The following HERC2 variants were observed in gnomAD, a reference collection of about 807,000 sequenced individuals.
HERC2 encodes E3 ubiquitin-protein ligase HERC2.
Under a neutral mutation model 537.7 loss-of-function variants are expected in HERC2, and 102 were observed. That is an observed-to-expected ratio of 0.19 (90% CI 0.16 to 0.22). The LOEUF is 0.22. Ranked by LOEUF, HERC2 falls within the 10% of genes least tolerant of loss-of-function variation. The pLI, the probability that HERC2 is intolerant of heterozygous loss-of-function variation, is 1.00. For missense variants in HERC2, 4,236 were observed against 6,198.2 expected (o/e 0.68, Z 10.63); for synonymous variants, 2,224 against 2,466.2 (o/e 0.90, Z 2.91).
Position 28,268,225 on chromosome 15 carries a change from C to T in HERC2, c.1598+240G>A, listed in dbSNP as rs2075622426. Among the ~76,000 whole-genome samples, 1 of 152,174 alleles carries T rather than the reference C, an allele frequency of 6.6e-6. No individual in the cohort carries two copies. The highest frequency in any genetic ancestry group is 2.4e-5 in the African/African-American group (1 of 41,444). ...GGATGCAGTTTGAGTAGATAGAAGGCTGGCCAAGGCTGCACGGGGTCAAGA... is the reference window on the plus strand; with the variant it reads ...GGATGCAGTTTGAGTAGATAGAAGGTTGGCCAAGGCTGCACGGGGTCAAGA... On this transcript the variant is annotated intron_variant, in intron 12 of 92. Transcript: ENST00000261609. The surrounding 1 kb of genome is among the most constrained non-coding windows in gnomAD (Gnocchi z 4.7).
chr15:28,147,030 G>T (rs867615272), intron 70 of HERC2, among the ~76,000 whole-genome samples: 1 of 139,564 alleles, frequency 7.2e-6, no homozygotes, highest in Non-Finnish European at 1.5e-5. Flanking sequence ...ATTCTGGGGG[G>T]GCCGCAGGAG....
chr15:28,282,810 T>C (rs1315332148), intron 4 of HERC2, among the ~76,000 whole-genome samples: 2 of 151,910 alleles, frequency 1.3e-5, no homozygotes, highest in Non-Finnish European at 2.9e-5. Context: ...CGGGCACCTA[T>C]AATCCCAGCT....
chr15:28,279,615 CCACACACACACACACACACACA>C (rs58447102), intron 5 of HERC2, among the ~76,000 whole-genome samples: 1 of 141,584 alleles, frequency 7.1e-6, no homozygotes, highest in Non-Finnish European at 1.5e-5. Flanking sequence ...GACCCCATCT[CCACACACACACACACACACACA>C]CACACACACA....
Position 28,177,113 on chromosome 15 carries a change from G to T in HERC2, c.9269C>A (p.Pro3090Gln). 6.2e-7 allele frequency: 1 copy of T among 1,611,968 alleles called. No homozygotes were observed. Among genetic ancestry groups the T allele is most frequent in the Non-Finnish European group, 8.5e-7 (1 of 1,178,628 alleles). ...GHFSRMNCDK[P>Q]RLIEALKTKR... ...GGTTTTCAGGGCCTCGATCAGCCTTGGTTTGTCACAGTTCCTACAACAAGA... is the reference window on the plus strand; with the variant it reads ...GGTTTTCAGGGCCTCGATCAGCCTTTGTTTGTCACAGTTCCTACAACAAGA... Residue 3090 changes from proline to glutamine, a missense_variant, in exon 61 of 93, where the codon CCA (proline) becomes CAA (glutamine). Pro to Gln is a moderately conservative substitution (Grantham distance 76). Coordinates refer to ENST00000261609, the MANE Select transcript of HERC2 (RefSeq NM_004667.6). This position sits in a 1 kb window ranked among gnomAD's most constrained non-coding sequence, Gnocchi z 5.0.
intron 74 of HERC2, among the ~76,000 whole-genome samples, chr15:28,143,342 A>G (rs1459372800): frequency 6.6e-6 from 1 of 152,244 alleles, no homozygotes; most frequent in African/African-American, 2.4e-5. Flanking sequence ...TCCTATGTTC[A>G]CAGCTGTCGA....
At chr15:28,114,868 C>T (rs1368471856) in intron 89 of HERC2, 66 bp from the exon 90 acceptor site, 4 of 1,338,902 alleles carry the variant, frequency 3.0e-6, no homozygotes, top group Non-Finnish European at 4.2e-6. Context: ...GACTCCAGTC[C>T]ACCCAGCACA....
intron 75 of HERC2, 139 bp downstream of exon 75, chr15:28,142,688 G>C (rs773739396): frequency 1.2e-6 from 1 of 814,052 alleles, no homozygotes; most frequent in Non-Finnish European, 1.9e-6. Context: ...CATTTCTTGA[G>C]ATTTTTTCAT....
At chr15:28,226,083 A>G (rs1901126399) in intron 35 of HERC2, among the ~76,000 whole-genome samples, 2 of 152,244 alleles carry the variant, frequency 1.3e-5, no homozygotes, top group African/African-American at 4.8e-5. Flanking sequence ...CTATGAGGCC[A>G]TTATTACCCT....
rs751667906 is a variant in HERC2 at position 28,292,991 on chromosome 15, T to A, written c.219A>T (p.Lys73Asn). 4 of 1,611,320 alleles carry A rather than the reference T, an allele frequency of 2.5e-6. No homozygotes were observed. Among genetic ancestry groups the A allele is most frequent in the Non-Finnish European group, 3.4e-6 (4 of 1,179,674 alleles). Residue 73 changes from lysine to asparagine, a missense_variant, in exon 4 of 93, where the codon AAA (lysine) becomes AAT (asparagine). Transcript: ENST00000261609. Reference sequence around the variant, plus strand: ...TTTTCTCTTTGTCATTCAGATCTTCTTTCTTTGTTCCACTTGGTTCGACAC... The same window carrying A: ...TTTTCTCTTTGTCATTCAGATCTTCATTCTTTGTTCCACTTGGTTCGACAC... ...DDSVEPSGTKKEDLNDKEKKD... is the reference protein window; with the variant it reads ...DDSVEPSGTKNEDLNDKEKKD...
intron 65 of HERC2, 35 bp downstream of exon 65, chr15:28,174,360 A>C (rs572066378): frequency 6.7e-7 from 1 of 1,500,798 alleles, no homozygotes; most frequent in Non-Finnish European, 9.1e-7. Flanking sequence ...GTAAACCTAC[A>C]GAAAAATCTC....
chr15:28,263,108 G>A lies in HERC2; in HGVS notation c.1932C>T (p.Gly644=). Residue 644 remains glycine (G), a synonymous_variant, in exon 15 of 93, where the codon GGC becomes GGT. Coordinates refer to ENST00000261609, the MANE Select transcript of HERC2 (RefSeq NM_004667.6). ...TTTCAATCAGCTTTGGGGTTTTGCA[G>A]CCATCACTACCACCTCTGCCCAATT... ...YGKLGRGGSD[G]CKTPKLIEKL... 1 of 1,614,138 alleles carries A rather than the reference G, an allele frequency of 6.2e-7. No individual in the cohort carries two copies. The highest frequency in any genetic ancestry group is 1.1e-5 in the South Asian group (1 of 91,086).
In HERC2 at chr15:28,132,151, G is replaced by A. The variant is rs761274629; in HGVS notation, c.12519C>T (p.Asp4173=). The A allele has an allele frequency of 6.2e-7, 1 of 1,613,460 alleles. No individual in the cohort carries two copies. The highest frequency in any genetic ancestry group is 8.5e-7 in the Non-Finnish European group (1 of 1,179,576). Residue 4173 remains aspartate, a synonymous_variant, in exon 81 of 93, where the codon GAC becomes GAT. Coordinates refer to ENST00000261609, the MANE Select transcript of HERC2 (RefSeq NM_004667.6). ...DDTVWSWGDG[D]YGKLGRGGSD... is the part of the protein sequence containing the mutation. ...TGCCTCCCCGGCCGAGCTTGCCGTAGTCCCCGTCCCCCCAGGACCAGACAG... is the reference window on the plus strand; with the variant it reads ...TGCCTCCCCGGCCGAGCTTGCCGTAATCCCCGTCCCCCCAGGACCAGACAG...
chr15:28,167,640 T>C, intron 68 of HERC2, 47 bp downstream of exon 68: 1 of 1,605,688 alleles, frequency 6.2e-7, no homozygotes, highest in African/African-American at 1.3e-5. Flanking sequence ...TCTGTGTACA[T>C]TTAAGATTAT....
intron 86 of HERC2, chr15:28,117,484 C>G (rs1238780858): frequency 2.3e-5 from 14 of 619,752 alleles, no homozygotes; most frequent in South Asian, 2.1e-4. Flanking sequence ...ACCACCCTGG[C>G]ACGGACCATC....
Position 28,192,001 on chromosome 15 carries a change from C to A in HERC2, c.8411G>T (p.Gly2804Val). ...SVNQASRLID[G>V]SEPCWQSSGS... Reference sequence around the variant, plus strand: ...CGATGACTGCCAGCAGGGCTCGCTGCCGTCAATGAGACGGGATGCCTGGTT... The same window carrying A: ...CGATGACTGCCAGCAGGGCTCGCTGACGTCAATGAGACGGGATGCCTGGTT... The change falls in exon 53 of 93, where the codon GGC (glycine) becomes GTC (valine). Residue 2804 changes from glycine to valine, a missense_variant. Coordinates refer to ENST00000261609, the MANE Select transcript of HERC2 (RefSeq NM_004667.6). 3 of 1,613,830 alleles carry A rather than the reference C, an allele frequency of 1.9e-6. No homozygotes were observed. The highest frequency in any genetic ancestry group is 8.5e-7 in the Non-Finnish European group (1 of 1,180,004).
At chr15:28,184,238 T>C (rs1896090494) in intron 56 of HERC2, among the ~76,000 whole-genome samples, 1 of 152,060 alleles carries the variant, frequency 6.6e-6, no homozygotes, top group South Asian at 2.1e-4. Flanking sequence ...CACACATATA[T>C]GTATGCATGT....
intron 20 of HERC2, among the ~76,000 whole-genome samples, chr15:28,254,043 G>A (rs1434286088): frequency 7.2e-6 from 1 of 139,384 alleles, no homozygotes; most frequent in African/African-American, 2.7e-5. Flanking sequence ...CAACACTTTG[G>A]GAGGCCAAGG....
At position 28,292,870 on chromosome 15, in the gene HERC2, C is replaced by T. The variant is rs2141143675; in HGVS notation, c.322+18G>A. On this transcript the variant is annotated intron_variant, in intron 4 of 92. Transcript: ENST00000261609. Reference sequence around the variant, plus strand: ...CGTCAGATCAACCTTTCCAAAGTGCCAAAATTCACAAGATTACCTGGTTGC... The same window carrying T: ...CGTCAGATCAACCTTTCCAAAGTGCTAAAATTCACAAGATTACCTGGTTGC... 6.2e-7 allele frequency: 1 copy of T among 1,606,730 alleles called. No homozygotes were observed. The highest frequency in any genetic ancestry group is 8.5e-7 in the Non-Finnish European group (1 of 1,178,872).
chr15:28,207,476 CCT>C (rs1210291083), intron 44 of HERC2, among the ~76,000 whole-genome samples: 5 of 152,168 alleles, frequency 3.3e-5, no homozygotes, highest in Admixed American at 6.5e-5. Context: ...TTCAGTAACC[CCT>C]GACACAGACA....
Sources: gnomAD v4.1 joint callset for allele counts (sites outside exome capture counted in the v4.1 genomes callset) on GRCh38, gnomAD v4.1.1 for gene constraint, Gnocchi (gnomAD v3.1) non-coding constraint, MANE v1.5 for transcripts, NCBI Gene and HGNC (gene_info 2026-07-23, HGNC 2026-07-21) for gene names.